SLC17A6: variants seen among roughly 807,000 people sequenced by gnomAD.
The protein encoded by SLC17A6 is solute carrier family 17 member 6, also known as vesicular glutamate transporter 2.
A neutral mutation model predicts 67.1 loss-of-function variants in SLC17A6; 35 were observed. The observed-to-expected ratio is 0.52, with a 90% CI of 0.40 to 0.69. The LOEUF (loss-of-function observed/expected upper bound fraction) is 0.69. Ranked by LOEUF, SLC17A6 falls within the 30% of genes least tolerant of loss-of-function variation. SLC17A6 has a pLI of 0.00. For missense variants in SLC17A6, 588 were observed against 723.9 expected (o/e 0.81, Z 2.15); for synonymous variants, 285 against 252.3 (o/e 1.13, Z -1.23).
chr11:22,377,816 G>T lies in SLC17A6; in HGVS notation c.*76G>T. ...GATTGCACAAAAATTTTAAAAACACGTGATGTAAACTTGCAAGCATATCAA... is the reference window on the plus strand; with the variant it reads ...GATTGCACAAAAATTTTAAAAACACTTGATGTAAACTTGCAAGCATATCAA... On this transcript the variant is annotated 3_prime_UTR_variant, in exon 12 of 12. Coordinates refer to ENST00000263160, the MANE Select transcript of SLC17A6 (RefSeq NM_020346.3). 2 of 1,237,230 alleles carry T rather than the reference G, an allele frequency of 1.6e-6. No homozygotes were observed. Among genetic ancestry groups the T allele is most frequent in the Non-Finnish European group, 2.2e-6 (2 of 904,166 alleles). 76.6% of individuals were successfully genotyped at this position (1,237,230 alleles called of 1,614,324 possible). A position where few individuals can be genotyped will look rare whatever the true frequency, so the allele number is the denominator to read the frequency against.
intron 2 of SLC17A6, 42 bp from the exon 3 acceptor site, chr11:22,343,205 C>A (rs753724813): frequency 3.3e-6 from 5 of 1,516,940 alleles, no homozygotes; most frequent in Non-Finnish European, 4.6e-6. Context: ...TTGGTACTGA[C>A]TCTACTCTTT....
chr11:22,366,554 C>T (rs1015154539), intron 7 of SLC17A6, among the ~76,000 whole-genome samples: 3 of 151,868 alleles, frequency 2.0e-5, no homozygotes, highest in Admixed American at 6.6e-5. Context: ...GTTGTGAAGC[C>T]CTTTTTTCTG....
At chr11:22,375,562 C>T (rs1856224010) in intron 9 of SLC17A6, among the ~76,000 whole-genome samples, 1 of 151,688 alleles carries the variant, frequency 6.6e-6, no homozygotes, top group African/African-American at 2.4e-5. Context: ...CTCACCACAA[C>T]CCCCGCCTCC....
intron 11 of SLC17A6, among the ~76,000 whole-genome samples, chr11:22,377,012 T>C (rs976457212): frequency 5.9e-5 from 9 of 152,160 alleles, no homozygotes; most frequent in African/African-American, 9.7e-5. Context: ...TCCTCTGCAG[T>C]TGTCCAAGGA....
intron 3 of SLC17A6, among the ~76,000 whole-genome samples, chr11:22,352,127 A>G (rs570717471): frequency 1.3e-5 from 2 of 152,228 alleles, no homozygotes; most frequent in African/African-American, 4.8e-5. Flanking sequence ...GCAGAGCTTC[A>G]GAGACAGTGG....
At chr11:22,342,323 G>C (rs1202285804) in intron 2 of SLC17A6, among the ~76,000 whole-genome samples, 1 of 152,080 alleles carries the variant, frequency 6.6e-6, no homozygotes, top group Non-Finnish European at 1.5e-5. Flanking sequence ...AGAGAGGGGA[G>C]GGTCACGTCA....
chr11:22,339,847 C>A (rs1468488633), intron 1 of SLC17A6, among the ~76,000 whole-genome samples: 2 of 151,962 alleles, frequency 1.3e-5, no homozygotes, highest in African/African-American at 4.8e-5. Context: ...CCCAGTACAA[C>A]TGCCATCCGG....
At chr11:22,376,473 G>A in intron 10 of SLC17A6, 72 bp from the exon 11 acceptor site, 2 of 1,549,510 alleles carry the variant, frequency 1.3e-6, no homozygotes, top group Non-Finnish European at 1.8e-6. Flanking sequence ...GAGTTGTGAT[G>A]TGTGGTTCTA....
At chr11:22,343,023 G>A (rs1855835002) in intron 2 of SLC17A6, 4 of 608,804 alleles carry the variant, frequency 6.6e-6, no homozygotes, top group South Asian at 4.8e-5. Context: ...AGCAAAGCCA[G>A]TGCGCCTGGC....
intron 1 of SLC17A6, among the ~76,000 whole-genome samples, chr11:22,339,772 T>C (rs1474064665): frequency 6.6e-6 from 1 of 152,152 alleles, no homozygotes; most frequent in Non-Finnish European, 1.5e-5. Flanking sequence ...ATTATGCACC[T>C]ATGCGGCAGT....
intron 1 of SLC17A6, among the ~76,000 whole-genome samples, chr11:22,340,959 G>C (rs1463691275): frequency 6.6e-6 from 1 of 152,180 alleles, no homozygotes; most frequent in Non-Finnish European, 1.5e-5. Flanking sequence ...TTGGGGAGCG[G>C]AATACCAGCA....
At chr11:22,344,378 ATC>A (rs1855852444) in intron 3 of SLC17A6, among the ~76,000 whole-genome samples, 1 of 152,070 alleles carries the variant, frequency 6.6e-6, no homozygotes, top group Admixed American at 6.5e-5. Flanking sequence ...GGCACACCTC[ATC>A]TCTCAGGCCC....
At chr11:22,344,566 T>A (rs1319424868) in intron 3 of SLC17A6, among the ~76,000 whole-genome samples, 1 of 152,206 alleles carries the variant, frequency 6.6e-6, no homozygotes, top group African/African-American at 2.4e-5. Flanking sequence ...GAGAGTGCCA[T>A]ACATTAGGAA....
At chr11:22,367,244 G>GT (rs752204557) in intron 7 of SLC17A6, among the ~76,000 whole-genome samples, 11 of 151,024 alleles carry the variant, frequency 7.3e-5, no homozygotes, top group Non-Finnish European at 8.8e-5. Context: ...TACTTCATTT[G>GT]TAAGAGAATG....
At chr11:22,338,684 G>A in intron 1 of SLC17A6, 65 bp downstream of exon 1, 4 of 1,138,190 alleles carry the variant, frequency 3.5e-6, no homozygotes, top group Non-Finnish European at 5.3e-6. Flanking sequence ...GGCCGTTTCC[G>A]TAAACCCTGG....
intron 9 of SLC17A6, among the ~76,000 whole-genome samples, chr11:22,375,732 G>A (rs973248913): frequency 6.6e-6 from 1 of 151,966 alleles, no homozygotes; most frequent in Non-Finnish European, 1.5e-5. Context: ...TGCCCGCCTC[G>A]GCCTCTCAAA....
chr11:22,343,942 C>A (rs1855848324), intron 3 of SLC17A6, among the ~76,000 whole-genome samples: 1 of 152,128 alleles, frequency 6.6e-6, no homozygotes, highest in Non-Finnish European at 1.5e-5. Context: ...CAGCTGCTTT[C>A]AGTGGCCTCC....
At chr11:22,344,012 C>A (rs184027626) in intron 3 of SLC17A6, among the ~76,000 whole-genome samples, 2 of 152,238 alleles carry the variant, frequency 1.3e-5, no homozygotes, top group East Asian at 1.9e-4. Flanking sequence ...GCGCCACCAA[C>A]GGCACCTGGA....
chr11:22,360,903 A>G lies in SLC17A6; in HGVS notation c.580A>G (p.Thr194Ala). The change falls in exon 5 of 12, where the codon ACC (threonine) becomes GCC (alanine). Residue 194 changes from threonine to alanine, a missense_variant. Transcript: ENST00000263160. ...GTATCTTCCCCCATCACAGGGTGTG[A>G]CCTACCCAGCATGTCATGGGATATG... ...RILQGLVEGV[T>A]YPACHGIWSK... 1 of 1,613,750 alleles carries G rather than the reference A, an allele frequency of 6.2e-7. No homozygotes were observed. Among genetic ancestry groups the G allele is most frequent in the African/African-American group, 1.3e-5 (1 of 75,038 alleles).
Sources: gnomAD v4.1 joint callset for allele counts (sites outside exome capture counted in the v4.1 genomes callset) on GRCh38, gnomAD v4.1.1 for gene constraint, MANE v1.5 for transcripts, NCBI Gene and HGNC (gene_info 2026-07-23, HGNC 2026-07-21) for gene names.